The following SOS2 variants were observed in gnomAD, a reference collection of about 807,000 sequenced individuals.
SOS2 encodes son of sevenless homolog 2.
Under a neutral mutation model 148.2 loss-of-function variants are expected in SOS2, and 65 were observed. The ratio of observed to expected loss-of-function variants is 0.44; its 90% CI spans 0.36 to 0.54. The LOEUF (loss-of-function observed/expected upper bound fraction) is 0.54, where lower values mean the gene tolerates loss of function less well. Ranked by LOEUF, SOS2 falls within the 20% of genes least tolerant of loss-of-function variation. SOS2 has a pLI of 0.00. For synonymous variants in SOS2, 539 were observed against 537.1 expected (o/e 1.00, Z -0.05); for missense variants, 1,341 against 1,590.2 (o/e 0.84, Z 2.67).
At chr14:50,143,772 A>C (rs1302079943) in intron 16 of SOS2, among the ~76,000 whole-genome samples, 2 of 151,392 alleles carry the variant, frequency 1.3e-5, no homozygotes, top group Non-Finnish European at 2.9e-5. Context: ...CAATTTAAAA[A>C]TGCAGTGCGA....
At chr14:50,193,008 T>C (rs1001484721) in intron 4 of SOS2, among the ~76,000 whole-genome samples, 1 of 151,896 alleles carries the variant, frequency 6.6e-6, no homozygotes, top group African/African-American at 2.4e-5. Context: ...TTTTTTTTGG[T>C]TTTTTTTGTC....
rs1272746150 is a variant in SOS2, at chr14:50,135,893, C to T, written c.2959-1654G>A. Among the ~76,000 whole-genome samples the T allele has an allele frequency of 2.0e-5, 3 of 151,700 alleles. No individual in the cohort carries two copies. The East Asian group carries it at 5.8e-4, about 29-fold the overall frequency. The stretch of plus-strand genomic sequence containing the variant: ...TATTAACTCCTATATATAAATTTTT[C>T]TGTACATTTTTTATGATTTCCTTAG... On this transcript the variant is annotated intron_variant, in intron 18 of 22. Coordinates refer to ENST00000216373, the MANE Select transcript of SOS2 (RefSeq NM_006939.4).
Position 50,150,245 on chromosome 14 carries a change from C to A in SOS2, c.2162-15G>T. On this transcript the variant is annotated splice_polypyrimidine_tract_variant and intron_variant, in intron 13 of 22. Transcript: ENST00000216373. ...CATAGCTTTCCCTGGAAAAAGAACA[C>A]ATAAAGAAAAATGTCTTTTACTTGA... The A allele has an allele frequency of 1.3e-6, 2 of 1,507,328 alleles. No individual in the cohort carries two copies. The highest frequency in any genetic ancestry group is 1.8e-6 in the Non-Finnish European group (2 of 1,084,384). The allele number at this position is 1,507,328 out of a possible 1,614,324, so 93.4% of individuals were successfully genotyped here.
At chr14:50,165,578 G>T (rs759037004) in intron 8 of SOS2, among the ~76,000 whole-genome samples, 1 of 152,010 alleles carries the variant, frequency 6.6e-6, no homozygotes, top group Non-Finnish European at 1.5e-5. Flanking sequence ...CCTCTATTAG[G>T]CTCTTATAAT....
intron 4 of SOS2, among the ~76,000 whole-genome samples, chr14:50,198,383 T>C (rs1410704487): frequency 2.0e-5 from 3 of 151,836 alleles, no homozygotes; most frequent in African/African-American, 7.3e-5. Context: ...CATAATTTTG[T>C]AAGTCAAAAT....
At chr14:50,135,457 CATT>C (rs1157060109) in intron 18 of SOS2, among the ~76,000 whole-genome samples, 1 of 151,088 alleles carries the variant, frequency 6.6e-6, no homozygotes, top group Non-Finnish European at 1.5e-5. Flanking sequence ...CCAGAAATAT[CATT>C]GTTTACATTT....
intron 9 of SOS2, among the ~76,000 whole-genome samples, chr14:50,161,179 G>T (rs1884995145): frequency 6.6e-6 from 1 of 151,640 alleles, no homozygotes; most frequent in South Asian, 2.1e-4. Context: ...TGTAGTTCCA[G>T]TTACTTGGGA....
In SOS2 at chr14:50,145,292, C is replaced by G. The variant is rs746127976; in HGVS notation, c.2545G>C (p.Val849Leu). The change falls in exon 16 of 23, where the codon GTA becomes CTA. Residue 849 changes from valine to leucine, a missense_variant. Physicochemically the swap from Val to Leu is conservative, Grantham distance 32 (BLOSUM62 1). Coordinates refer to ENST00000216373, the MANE Select transcript of SOS2 (RefSeq NM_006939.4). Reference sequence around the variant, plus strand: ...AGAATTTCTATAATTCTACTTAGTACTGCCACCCGTTCTTCAAAATTTTCT... The same window carrying G: ...AGAATTTCTATAATTCTACTTAGTAGTGCCACCCGTTCTTCAAAATTTTCT... Reference protein sequence around the residue: ...EAENFEERVAVLSRIIEILQV... With the variant: ...EAENFEERVALLSRIIEILQV... 3 of 1,606,642 alleles carry G rather than the reference C, an allele frequency of 1.9e-6. No individual in the cohort carries two copies. The highest frequency in any genetic ancestry group is 2.5e-6 in the Non-Finnish European group (3 of 1,178,034).
chr14:50,160,283 T>C (rs1303966709), intron 9 of SOS2, among the ~76,000 whole-genome samples, 197 bp from the exon 10 acceptor site: 1 of 151,554 alleles, frequency 6.6e-6, no homozygotes, highest in South Asian at 2.1e-4. Flanking sequence ...CTACTGGCTC[T>C]ATAAGAACTA....
At chr14:50,120,619 AC>A (rs1243112905) in intron 21 of SOS2, among the ~76,000 whole-genome samples, 2 of 152,134 alleles carry the variant, frequency 1.3e-5, no homozygotes, top group Non-Finnish European at 2.9e-5. Context: ...ATGAAGGTGT[AC>A]TATTTAATTA....
At position 50,161,340 on chromosome 14, in the gene SOS2, C is replaced by T. The variant is rs571719443; in HGVS notation, c.1196+142G>A. The stretch of plus-strand genomic sequence containing the variant: ...GAAAAGGAAAAAAGAGAGTAAAAGA[C>T]CAACATAAAAGTATATAAAAGTATG... On this transcript the variant is annotated intron_variant, in intron 9 of 22. Coordinates refer to ENST00000216373, the MANE Select transcript of SOS2 (RefSeq NM_006939.4). 5.0e-5 allele frequency: 32 copies of T among 634,688 alleles called. 1 individual carries two copies. In the South Asian group the frequency reaches 8.5e-4, roughly 17 times the overall value. 39.3% of individuals were successfully genotyped at this position (634,688 alleles called of 1,614,324 possible).
At position 50,139,981 on chromosome 14, in the gene SOS2, T is replaced by C. The variant is rs777335910; in HGVS notation, c.2746A>G (p.Lys916Glu). 6.2e-7 allele frequency: 1 copy of C among 1,606,268 alleles called. No homozygotes were observed. The highest frequency in any genetic ancestry group is 8.5e-7 in the Non-Finnish European group (1 of 1,174,016). The change falls in exon 17 of 23, where the codon AAA (lysine) becomes GAA (glutamate). Residue 916 changes from lysine to glutamate, a missense_variant. Coordinates refer to ENST00000216373, the MANE Select transcript of SOS2 (RefSeq NM_006939.4). ...SQDHFKKYLV[K>E]LKSINPPCVP... is the part of the protein sequence containing the mutation. ...CAAGGTGGATTGATTGACTTAAGTT[T>C]TACTAGGTATTTTTTAAAGTGATCT... is the stretch of plus-strand genomic sequence containing the variant.
chr14:50,118,559 G>C lies in SOS2; in HGVS notation c.3784C>G (p.Pro1262Ala). Residue 1262 changes from proline (P) to alanine (A), a missense_variant, in exon 23 of 23, where the codon CCT becomes GCT. By Grantham distance (27) the Pro-to-Ala change is conservative. Around this residue, in one of 4 missense-constraint regions of SOS2, gnomAD observed 354 missense variants for 347.7 expected, o/e 1.02. Transcript: ENST00000216373. Reference sequence around the variant, plus strand: ...ACCCTTGGAGAGGGTGTGCTAGGAGGAGTGCTTGGCGAATTTGGACACGTA... The same window carrying C: ...ACCCTTGGAGAGGGTGTGCTAGGAGCAGTGCTTGGCGAATTTGGACACGTA... ...ISTCPNSPSTPPSTPSPRVPR... is the reference protein window; with the variant it reads ...ISTCPNSPSTAPSTPSPRVPR... 1 of 1,614,162 alleles carries C rather than the reference G, an allele frequency of 6.2e-7. No homozygotes were observed. Among genetic ancestry groups the C allele is most frequent in the Non-Finnish European group, 8.5e-7 (1 of 1,180,024 alleles).
At chr14:50,186,033 G>C (rs890578684) in intron 5 of SOS2, among the ~76,000 whole-genome samples, 1 of 152,096 alleles carries the variant, frequency 6.6e-6, no homozygotes, top group South Asian at 2.1e-4. Context: ...GCACATATTA[G>C]GCCTTCCAGA....
chr14:50,138,786 T>C lies in SOS2; in HGVS notation c.2786-2A>G. 1 of 744,340 alleles carries C rather than the reference T, an allele frequency of 1.3e-6. No homozygotes were observed. The highest frequency in any genetic ancestry group is 2.1e-6 in the Non-Finnish European group (1 of 487,270). The allele number at this position is 744,340 out of a possible 1,614,324, so 46.1% of individuals were successfully genotyped here. A position where few individuals can be genotyped will look rare whatever the true frequency, so the allele number is the denominator to read the frequency against. ...TCAGAATATTTGTTAAATATATTCC[T>C]AGTAAAAAAAAAAAAAGAATTTAAA... On this transcript the variant is annotated splice_acceptor_variant, in intron 17 of 22. Coordinates refer to ENST00000216373, the MANE Select transcript of SOS2 (RefSeq NM_006939.4). LOFTEE classifies it high-confidence loss of function.
At chr14:50,206,956 A>C (rs1457898970) in intron 1 of SOS2, among the ~76,000 whole-genome samples, 1 of 152,090 alleles carries the variant, frequency 6.6e-6, no homozygotes, top group African/African-American at 2.4e-5. Flanking sequence ...CTGCCTCCCA[A>C]AATGCTGGGA....
intron 1 of SOS2, among the ~76,000 whole-genome samples, chr14:50,213,603 G>A (rs1886954318): frequency 6.6e-6 from 1 of 152,062 alleles, no homozygotes; most frequent in African/African-American, 2.4e-5. Flanking sequence ...CCCTGGAGGT[G>A]GAGGTTGAGG....
intron 7 of SOS2, among the ~76,000 whole-genome samples, chr14:50,178,827 G>A (rs1344434817): frequency 2.6e-5 from 4 of 151,494 alleles, no homozygotes; most frequent in Admixed American, 6.6e-5. Context: ...TCCGCCTCCC[G>A]GGTTCAAGCA....
chr14:50,218,049 G>C (rs993198145), intron 1 of SOS2, among the ~76,000 whole-genome samples: 2 of 151,146 alleles, frequency 1.3e-5, no homozygotes, highest in Admixed American at 6.6e-5. Context: ...TGTAGTCCCA[G>C]AACTTTGGGA....
Sources: allele counts gnomAD v4.1 joint callset (sites outside exome capture counted in the v4.1 genomes callset), GRCh38; gene constraint gnomAD v4.1.1; regional missense constraint gnomAD v4.1.1; transcripts MANE v1.5; gene names NCBI Gene and HGNC (gene_info 2026-07-23, HGNC 2026-07-21).